ACYP2: variants seen among roughly 807,000 people sequenced by gnomAD.
ACYP2 encodes the protein acylphosphatase-2.
A neutral mutation model predicts 11.2 loss-of-function variants in ACYP2; 12 were observed. The ratio of observed to expected loss-of-function variants is 1.08; its 90% confidence interval spans 0.69 to 1.74. The LOEUF (loss-of-function observed/expected upper bound fraction) is 1.74, where lower values mean the gene tolerates loss of function less well. ACYP2 is among the 40% of genes most tolerant of loss of function. ACYP2 has a pLI of 0.00. For synonymous variants in ACYP2, 43 were observed against 32.2 expected (o/e 1.33, Z -1.13); for missense variants, 134 against 101.9 (o/e 1.31, Z -1.35).
chr2:54,207,810 T>C (rs1685145050), intron 6 of ACYP2, among the ~76,000 whole-genome samples: 1 of 152,148 alleles, frequency 6.6e-6, no homozygotes, highest in South Asian at 2.1e-4. Context: ...TTTGAGTCGG[T>C]CTTCTGCAAT....
At chr2:54,170,825 T>C (rs1042984493) in intron 6 of ACYP2, among the ~76,000 whole-genome samples, 4 of 152,200 alleles carry the variant, frequency 2.6e-5, no homozygotes, top group African/African-American at 9.7e-5. Flanking sequence ...ATGAAGTAGT[T>C]ACACAGTCAA....
At chr2:54,230,654 C>G (rs1470584815) in intron 6 of ACYP2, among the ~76,000 whole-genome samples, 1 of 151,042 alleles carries the variant, frequency 6.6e-6, no homozygotes, top group East Asian at 2.0e-4. Flanking sequence ...GCATGAGCCA[C>G]TGTGCCTGCC....
chr2:54,295,889 T>A (rs970335614), intron 6 of ACYP2, among the ~76,000 whole-genome samples: 1 of 152,088 alleles, frequency 6.6e-6, no homozygotes, highest in Admixed American at 6.6e-5. Flanking sequence ...GCCTCCCACA[T>A]AGCTGGAATT....
At chr2:54,278,881 T>G (rs535463438) in intron 6 of ACYP2, among the ~76,000 whole-genome samples, 2 of 152,226 alleles carry the variant, frequency 1.3e-5, no homozygotes, top group Non-Finnish European at 2.9e-5. Context: ...TAAGGAAGCA[T>G]GTGCTGAGGT....
At chr2:54,031,174 G>T (rs1363575051) in intron 2 of ACYP2, among the ~76,000 whole-genome samples, 1 of 152,074 alleles carries the variant, frequency 6.6e-6, no homozygotes, top group African/African-American at 2.4e-5. Flanking sequence ...TGTGCACAAT[G>T]CGCAGGTTTG....
intron 6 of ACYP2, chr2:54,267,503 G>A: frequency 1.4e-6 from 1 of 726,850 alleles, no homozygotes; most frequent in Non-Finnish European, 2.1e-6. Context: ...ATTATTTGGG[G>A]GAAGGTTACT....
intron 6 of ACYP2, among the ~76,000 whole-genome samples, chr2:54,150,739 CTT>C (rs11295809): frequency 8.0e-4 from 110 of 137,324 alleles, no homozygotes; most frequent in African/African-American, 7.6e-4. Context: ...GCGTTTCTTT[CTT>C]TTTTTTTTTT....
chr2:54,165,026 C>T (rs1323631696), intron 6 of ACYP2, among the ~76,000 whole-genome samples: 1 of 152,180 alleles, frequency 6.6e-6, no homozygotes, highest in African/African-American at 2.4e-5. Context: ...CATGTCCCTG[C>T]AAAGGACATG....
intron 2 of ACYP2, among the ~76,000 whole-genome samples, chr2:53,978,261 CAAAA>C (rs1273195454): frequency 3.6e-5 from 2 of 56,130 alleles, no homozygotes; most frequent in Non-Finnish European, 3.7e-5. Context: ...GACTCCATCT[CAAAA>C]AAAAAAAAAA....
intron 6 of ACYP2, among the ~76,000 whole-genome samples, chr2:54,264,000 C>T (rs1356756716): frequency 1.3e-5 from 2 of 152,144 alleles, no homozygotes; most frequent in Non-Finnish European, 2.9e-5. Flanking sequence ...GTGAATGAAA[C>T]AGGCATGGAT....
intron 2 of ACYP2, among the ~76,000 whole-genome samples, chr2:54,018,999 C>T (rs1459467202): frequency 6.6e-6 from 1 of 152,056 alleles, no homozygotes; most frequent in Admixed American, 6.6e-5. Flanking sequence ...CCTGCCTTGG[C>T]CTCCCAAAGT....
intron 6 of ACYP2, among the ~76,000 whole-genome samples, chr2:54,179,381 G>A (rs1028489218): frequency 3.3e-5 from 5 of 152,108 alleles, no homozygotes; most frequent in Non-Finnish European, 5.9e-5. Context: ...TTACCGGAAA[G>A]GGGTCCTGAT....
chr2:54,123,107 T>C, intron 4 of ACYP2: 1 of 354,934 alleles, frequency 2.8e-6, no homozygotes, highest in Non-Finnish European at 5.0e-6. Context: ...TGTTTCTCCT[T>C]CTAAATTTAC....
chr2:54,232,976 G>A (rs184141164), intron 6 of ACYP2, among the ~76,000 whole-genome samples: 1 of 152,186 alleles, frequency 6.6e-6, no homozygotes. Context: ...TTTTAATTAT[G>A]ACATGTTGCT....
intron 4 of ACYP2, among the ~76,000 whole-genome samples, chr2:54,104,933 T>TA (rs1430550458): frequency 1.3e-5 from 2 of 152,244 alleles, no homozygotes; most frequent in Non-Finnish European, 2.9e-5. Flanking sequence ...GTCCACAGTG[T>TA]AACACTGTGT....
chr2:54,118,858 A>G (rs1170481337), intron 4 of ACYP2, among the ~76,000 whole-genome samples: 2 of 152,148 alleles, frequency 1.3e-5, no homozygotes, highest in Non-Finnish European at 2.9e-5. Flanking sequence ...ATACATCTAC[A>G]TTGACATTCC....
intron 4 of ACYP2, among the ~76,000 whole-genome samples, chr2:54,083,074 A>G (rs1572712174): frequency 3.7e-5 from 1 of 27,306 alleles, no homozygotes; most frequent in Admixed American, 2.8e-4. Context: ...ACTCTGTCTC[A>G]AAAAAAAAAA....
chr2:54,300,197 C>T (rs1423489322), intron 6 of ACYP2, among the ~76,000 whole-genome samples: 1 of 152,150 alleles, frequency 6.6e-6, no homozygotes, highest in Non-Finnish European at 1.5e-5. Context: ...TTTCTTCTGA[C>T]AGCTCTGGGC....
At chr2:54,138,122 G>T (rs74412056) in intron 5 of ACYP2, among the ~76,000 whole-genome samples, 2,222 of 152,070 alleles carry the variant, frequency 0.015, 27 homozygotes, top group Middle Eastern at 0.028. Context: ...TTTTAATGGG[G>T]TTGTTTATAA....
Sources: gnomAD v4.1 joint callset for allele counts (sites outside exome capture counted in the v4.1 genomes callset) on GRCh38, gnomAD v4.1.1 for gene constraint, MANE v1.5 for transcripts, NCBI Gene and HGNC (gene_info 2026-07-23, HGNC 2026-07-21) for gene names.